The following PTPRD variants were observed in gnomAD, a reference collection of about 807,000 sequenced individuals.
The protein encoded by PTPRD is protein tyrosine phosphatase receptor type D.
Under a neutral mutation model 214.5 loss-of-function variants are expected in PTPRD, and 34 were observed. That is an observed-to-expected ratio of 0.16 (90% CI 0.12 to 0.21). The LOEUF (loss-of-function observed/expected upper bound fraction) is 0.21. Among genes scored for constraint, PTPRD ranks in the 10% least tolerant of loss-of-function variants. PTPRD has a pLI of 1.00. For synonymous variants in PTPRD, 1,128 were observed against 845.7 expected (o/e 1.33, Z -5.79); for missense variants, 2,545 against 2,398.7 (o/e 1.06, Z -1.27).
At chr9:9,831,495 C>A (rs915965661) in intron 5 of PTPRD, among the ~76,000 whole-genome samples, 4 of 151,958 alleles carry the variant, frequency 2.6e-5, no homozygotes, top group Admixed American at 1.3e-4. Context: ...TCTCCCTTAA[C>A]TGACAAGTAC....
intron 5 of PTPRD, among the ~76,000 whole-genome samples, chr9:9,847,818 A>C (rs1042339835): frequency 6.6e-6 from 1 of 152,002 alleles, no homozygotes; most frequent in Non-Finnish European, 1.5e-5. Flanking sequence ...CTGAGCCCTC[A>C]GGCTGGGAAA....
chr9:9,919,161 G>T (rs73643820), intron 5 of PTPRD, among the ~76,000 whole-genome samples: 139 of 151,976 alleles, frequency 9.1e-4, no homozygotes, highest in African/African-American at 3.2e-3. Flanking sequence ...TAAATTTTAG[G>T]GTGTTTTTGC....
At chr9:10,181,956 A>T (rs2154307717) in intron 3 of PTPRD, among the ~76,000 whole-genome samples, 1 of 149,150 alleles carries the variant, frequency 6.7e-6, no homozygotes, top group Admixed American at 6.7e-5. Context: ...AAAAAAAAAA[A>T]AAAAAAAAAA....
chr9:8,679,445 G>C (rs940480516), intron 12 of PTPRD, among the ~76,000 whole-genome samples: 2 of 152,170 alleles, frequency 1.3e-5, no homozygotes, highest in African/African-American at 4.8e-5. Flanking sequence ...CTCTCTCAGA[G>C]AATGATGTCA....
intron 5 of PTPRD, among the ~76,000 whole-genome samples, chr9:9,817,287 C>A (rs1156904101): frequency 6.6e-6 from 1 of 152,056 alleles, no homozygotes; most frequent in Non-Finnish European, 1.5e-5. Context: ...ACTAAATATG[C>A]CTCAATGAAC....
intron 39 of PTPRD, among the ~76,000 whole-genome samples, chr9:8,371,448 C>T (rs2081484913): frequency 1.3e-5 from 2 of 152,010 alleles, no homozygotes; most frequent in South Asian, 4.1e-4. Context: ...GATCTGCACA[C>T]ATATAGCTAA....
chr9:9,534,812 A>C (rs1436733727), intron 8 of PTPRD, among the ~76,000 whole-genome samples: 1 of 152,050 alleles, frequency 6.6e-6, no homozygotes, highest in Non-Finnish European at 1.5e-5. Flanking sequence ...TTTTGCCTCT[A>C]TCATATACCA....
chr9:10,203,676 C>T (rs1319304888), intron 3 of PTPRD, among the ~76,000 whole-genome samples: 3 of 152,118 alleles, frequency 2.0e-5, no homozygotes, highest in Non-Finnish European at 2.9e-5. Context: ...TGGGACAATT[C>T]TGCTTCTCCC....
intron 3 of PTPRD, among the ~76,000 whole-genome samples, chr9:10,169,170 G>A (rs959608449): frequency 6.6e-6 from 1 of 152,040 alleles, no homozygotes; most frequent in African/African-American, 2.4e-5. Context: ...ATGAAAGGAA[G>A]AAAAAACCTA....
At chr9:9,587,983 A>C (rs1278173681) in intron 7 of PTPRD, among the ~76,000 whole-genome samples, 1 of 151,998 alleles carries the variant, frequency 6.6e-6, no homozygotes, top group Non-Finnish European at 1.5e-5. Context: ...TATACTTCAA[A>C]GTAATAGAAA....
intron 9 of PTPRD, among the ~76,000 whole-genome samples, chr9:9,213,879 A>G (rs1319982121): frequency 6.6e-6 from 1 of 152,088 alleles, no homozygotes; most frequent in African/African-American, 2.4e-5. Flanking sequence ...GGGTCTCCTT[A>G]TCCCTTGTTC....
rs996211984 is a variant in PTPRD at position 9,752,089 on chromosome 9, G to C, written c.-326+14721C>G. Among the ~76,000 whole-genome samples, 3 of 152,030 alleles carry C rather than the reference G, an allele frequency of 2.0e-5. 1 individual carries two copies. The highest frequency in any genetic ancestry group is 1.3e-4 in the Admixed American group (2 of 15,240). On this transcript the variant is annotated intron_variant, in intron 6 of 45. Coordinates refer to ENST00000381196, the MANE Select transcript of PTPRD (RefSeq NM_002839.4). ...AGGAGACAATGAAGGAATTATAAAGGAGATAAATTTCTTACCAGTCAGTGT... is the reference window on the plus strand; with the variant it reads ...AGGAGACAATGAAGGAATTATAAAGCAGATAAATTTCTTACCAGTCAGTGT...
At position 9,898,821 on chromosome 9, in the gene PTPRD, A is replaced by G. The variant is rs114891398; in HGVS notation, c.-368+39686T>C. ...TTAGCATCTCTTAGTGAATTTTTAA[A>G]AAGACGTATGTTAGTCTGTATACTA... On this transcript the variant is annotated intron_variant, in intron 5 of 45. Transcript: ENST00000381196. Among the ~76,000 whole-genome samples, 683 of 152,202 alleles carry G rather than the reference A, an allele frequency of 4.5e-3. 3 individuals carry two copies. The highest frequency in any genetic ancestry group is 0.015 in the African/African-American group (639 of 41,566).
intron 10 of PTPRD, among the ~76,000 whole-genome samples, chr9:9,064,367 T>G (rs764127338): frequency 6.6e-6 from 1 of 152,170 alleles, no homozygotes; most frequent in Non-Finnish European, 1.5e-5. Context: ...GATTTCTTTA[T>G]AAGGTTAATC....
chr9:9,564,621 A>G (rs1269300824), intron 8 of PTPRD, among the ~76,000 whole-genome samples: 1 of 151,916 alleles, frequency 6.6e-6, no homozygotes, highest in Non-Finnish European at 1.5e-5. Flanking sequence ...TACTGAACCA[A>G]AATCTTCGAA....
At chr9:8,377,860 C>T (rs2083725981) in intron 37 of PTPRD, among the ~76,000 whole-genome samples, 1 of 152,052 alleles carries the variant, frequency 6.6e-6, no homozygotes, top group African/African-American at 2.4e-5. Context: ...TTGTAACATT[C>T]TGTGAATAAT....
chr9:8,903,277 C>T (rs1284252639), intron 11 of PTPRD, among the ~76,000 whole-genome samples: 2 of 151,834 alleles, frequency 1.3e-5, no homozygotes, highest in Non-Finnish European at 1.5e-5. Flanking sequence ...GCATAGTACT[C>T]GACTATTAGT....
intron 9 of PTPRD, among the ~76,000 whole-genome samples, chr9:9,377,811 G>C (rs143184199): frequency 1.3e-5 from 2 of 151,958 alleles, no homozygotes; most frequent in Admixed American, 6.6e-5. Flanking sequence ...GTTGAGACAC[G>C]GCAGGGTCAT....
At chr9:10,540,550 A>T (rs1244790638) in intron 2 of PTPRD, among the ~76,000 whole-genome samples, 1 of 152,174 alleles carries the variant, frequency 6.6e-6, no homozygotes, top group East Asian at 1.9e-4. Flanking sequence ...AATATTTCTG[A>T]AAATATCTCA....
Sources: allele counts gnomAD v4.1 joint callset (sites outside exome capture counted in the v4.1 genomes callset), GRCh38; gene constraint gnomAD v4.1.1; transcripts MANE v1.5; gene names NCBI Gene and HGNC (gene_info 2026-07-23, HGNC 2026-07-21).